PLXNA4: variants seen among roughly 807,000 people sequenced by gnomAD.
The protein encoded by PLXNA4 is plexin-A4.
In PLXNA4, 44 loss-of-function variants were observed where a neutral mutation model predicts 191.8. The ratio of observed to expected loss-of-function variants is 0.23; its 90% CI spans 0.18 to 0.29. The LOEUF is 0.29. Among genes scored for constraint, PLXNA4 ranks in the 10% least tolerant of loss-of-function variants. The pLI, the probability that PLXNA4 is intolerant of heterozygous loss-of-function variation, is 1.00. For synonymous variants in PLXNA4, 1,082 were observed against 1,009.5 expected, an observed-to-expected ratio of 1.07 and a Z score of -1.36; for missense variants, 1,800 against 2,488.8, an observed-to-expected ratio of 0.72 and a Z score of 5.89.
chr7:132,397,807 T>G (rs547724246), intron 3 of PLXNA4, among the ~76,000 whole-genome samples: 18 of 152,338 alleles, frequency 1.2e-4, no homozygotes, highest in Non-Finnish European at 2.1e-4. Context: ...TATCCTTATT[T>G]AAAAGCAATA....
At chr7:132,259,288 T>C (rs1336348283) in intron 4 of PLXNA4, among the ~76,000 whole-genome samples, 1 of 151,718 alleles carries the variant, frequency 6.6e-6, no homozygotes, top group Non-Finnish European at 1.5e-5. Flanking sequence ...CCAGCCCATC[T>C]AGCTGGGTGT....
chr7:132,265,059 A>T (rs947751535), intron 4 of PLXNA4, among the ~76,000 whole-genome samples: 5 of 152,204 alleles, frequency 3.3e-5, no homozygotes, highest in African/African-American at 9.7e-5. Context: ...CAGCTTTTAA[A>T]CAACGACAAA....
At chr7:132,413,973 C>T (rs1794564427) in intron 3 of PLXNA4, among the ~76,000 whole-genome samples, 1 of 152,224 alleles carries the variant, frequency 6.6e-6, no homozygotes, top group South Asian at 2.1e-4. Flanking sequence ...CTGCTAGTCA[C>T]TACACAAGTC....
intron 2 of PLXNA4, among the ~76,000 whole-genome samples, chr7:132,642,495 G>A (rs984115842): frequency 2.6e-5 from 4 of 151,872 alleles, no homozygotes; most frequent in African/African-American, 9.7e-5. Flanking sequence ...CAGGGAGAAG[G>A]GATATTCCAA....
intron 3 of PLXNA4, among the ~76,000 whole-genome samples, chr7:132,464,283 G>T (rs1037531216): frequency 6.6e-6 from 1 of 152,196 alleles, no homozygotes; most frequent in African/African-American, 2.4e-5. Context: ...GAGCTGCAGA[G>T]AACCTGCTAG....
Position 132,226,246 on chromosome 7 carries a change from C to A in PLXNA4, c.1897G>T (p.Val633Leu). Residue 633 changes from valine (V) to leucine (L), a missense_variant, in exon 8 of 32, where the codon GTA becomes TTA. Transcript: ENST00000321063. ...TCCTTTGATTTGAGCTGAAGCTGTA[C>A]GACATGGTGGTCCCCTACAAGGAGA... ...IITENGDHHV[V>L]QLQLKSKETG... 2 of 1,613,442 alleles carry A rather than the reference C, an allele frequency of 1.2e-6. No individual in the cohort carries two copies. The highest frequency in any genetic ancestry group is 8.5e-7 in the Non-Finnish European group (1 of 1,179,782).
intron 3 of PLXNA4, among the ~76,000 whole-genome samples, chr7:132,303,460 T>G (rs2116533288): frequency 6.6e-6 from 1 of 152,008 alleles, no homozygotes; most frequent in Admixed American, 6.5e-5. Flanking sequence ...TCCCAGCTAC[T>G]CGGGATGCTA....
intron 2 of PLXNA4, among the ~76,000 whole-genome samples, chr7:132,496,348 G>T (rs1239661533): frequency 6.6e-6 from 1 of 152,050 alleles, no homozygotes; most frequent in Admixed American, 6.6e-5. Context: ...TGAGAAAATA[G>T]GTACCAAAAC....
intron 4 of PLXNA4, among the ~76,000 whole-genome samples, chr7:132,267,157 A>G (rs964202423): frequency 6.6e-6 from 1 of 152,222 alleles, no homozygotes; most frequent in Admixed American, 6.5e-5. Context: ...AGAAGTCAGG[A>G]AAAATAATCA....
At chr7:132,293,429 A>G (rs1483551186) in intron 4 of PLXNA4, among the ~76,000 whole-genome samples, 12 of 152,216 alleles carry the variant, frequency 7.9e-5, no homozygotes, top group Non-Finnish European at 1.8e-4. Flanking sequence ...TATTCACTAC[A>G]TGAGAACAGC....
intron 1 of PLXNA4, among the ~76,000 whole-genome samples, chr7:132,511,407 T>C (rs1798709406): frequency 6.6e-6 from 1 of 152,192 alleles, no homozygotes; most frequent in South Asian, 2.1e-4. Context: ...GAAATGCACA[T>C]TTCCAGAGCC....
chr7:132,379,889 G>C (rs1189518935), intron 3 of PLXNA4, among the ~76,000 whole-genome samples: 1 of 152,146 alleles, frequency 6.6e-6, no homozygotes, highest in Non-Finnish European at 1.5e-5. Flanking sequence ...TTTTGCAGTA[G>C]GGACCAGTTA....
intron 3 of PLXNA4, among the ~76,000 whole-genome samples, chr7:132,369,015 T>G (rs1306206777): frequency 2.0e-5 from 3 of 152,198 alleles, no homozygotes; most frequent in Non-Finnish European, 4.4e-5. Context: ...ATGCCATTTC[T>G]CTATCCTGCC....
chr7:132,615,155 G>A (rs1213265972), intron 2 of PLXNA4, among the ~76,000 whole-genome samples: 4 of 152,136 alleles, frequency 2.6e-5, no homozygotes, highest in Admixed American at 6.5e-5. Flanking sequence ...GCACAGGGGC[G>A]GGAAGGGAGG....
chr7:132,253,419 C>CT (rs764091552), intron 4 of PLXNA4, among the ~76,000 whole-genome samples: 3 of 151,720 alleles, frequency 2.0e-5, no homozygotes, highest in Admixed American at 6.6e-5. Context: ...TTTTGTACTT[C>CT]TTTTTTGTAG....
In PLXNA4 at chr7:132,181,423, T is replaced by C. The variant is rs1796700489; in HGVS notation, c.3450A>G (p.Ser1150=). 4 of 1,605,074 alleles carry C rather than the reference T, an allele frequency of 2.5e-6. No individual in the cohort carries two copies. Among genetic ancestry groups the C allele is most frequent in the Non-Finnish European group, 3.4e-6 (4 of 1,174,314 alleles). Residue 1150 remains serine, a synonymous_variant, in exon 18 of 32, where the codon TCA becomes TCG. Coordinates refer to ENST00000321063, the MANE Select transcript of PLXNA4 (RefSeq NM_020911.2). The part of the protein sequence containing the change: ...PNPVFEAFGP[S]GILELKPGTP... ...TGCCAGGCTTGAGCTCCAGGATTCC[T>C]GAGGGACCAAAGGCCTCAAACACCG...
chr7:132,151,516 G>GAGGAGGAGGAGGAGAA (rs1795634841), intron 25 of PLXNA4, among the ~76,000 whole-genome samples: 1 of 107,460 alleles, frequency 9.3e-6, no homozygotes. Context: ...GAGGAGAAAG[G>GAGGAGGAGGAGGAGAA]AGGAGGAGGA....
chr7:132,457,763 T>C (rs1378727169), intron 3 of PLXNA4, among the ~76,000 whole-genome samples: 4 of 152,240 alleles, frequency 2.6e-5, no homozygotes, highest in South Asian at 4.1e-4. Flanking sequence ...TTTACTACAC[T>C]GAGAGGGAGG....
At chr7:132,604,717 A>C (rs1399884057) in intron 2 of PLXNA4, among the ~76,000 whole-genome samples, 2 of 152,152 alleles carry the variant, frequency 1.3e-5, no homozygotes, top group African/African-American at 4.8e-5. Flanking sequence ...ACTACTTTGA[A>C]CTAAACTTAT....
Sources: allele counts gnomAD v4.1 joint callset (sites outside exome capture counted in the v4.1 genomes callset), GRCh38; gene constraint gnomAD v4.1.1; transcripts MANE v1.5; gene names NCBI Gene and HGNC (gene_info 2026-07-23, HGNC 2026-07-21).